The following NCALD variants were observed in gnomAD, a reference collection of about 807,000 sequenced individuals.
NCALD encodes the protein neurocalcin-delta.
In NCALD, 10 loss-of-function variants were observed where a neutral mutation model predicts 18.6. The ratio of observed to expected loss-of-function variants is 0.54; its 90% CI spans 0.33 to 0.91. The LOEUF (loss-of-function observed/expected upper bound fraction) is 0.91. Among genes scored for constraint, NCALD ranks in the 40% least tolerant of loss-of-function variants. The pLI, the probability that NCALD is intolerant of heterozygous loss-of-function variation, is 0.03. For missense variants in NCALD, 184 were observed against 247.6 expected, an observed-to-expected ratio of 0.74 and a Z score of 1.72; for synonymous variants, 88 against 87.4, an observed-to-expected ratio of 1.01 and a Z score of -0.04.
Position 101,699,971 on chromosome 8 carries a change from C to T in NCALD, c.379-7075G>A, listed in dbSNP as rs193283808. 3.3e-4 allele frequency among the ~76,000 whole-genome samples: 50 copies of T among 152,198 alleles called. 1 individual carries two copies. In the East Asian group the frequency reaches 9.3e-3, roughly 28 times the overall value. ...AAATTATTTAATAATTATGTATTGT[C>T]CACTATGAGCTAAGCAGTGGAGATA... On this transcript the variant is annotated intron_variant, in intron 2 of 3. Transcript: ENST00000220931.
At chr8:101,692,263 C>A (rs1814761960) in intron 3 of NCALD, 3 of 985,390 alleles carry the variant, frequency 3.0e-6, no homozygotes, top group Non-Finnish European at 3.6e-6. Flanking sequence ...GCACCTTACT[C>A]CCTCACCACT....
intron 3 of NCALD, among the ~76,000 whole-genome samples, chr8:101,903,669 C>T (rs1817515292): frequency 6.6e-6 from 1 of 152,170 alleles, no homozygotes; most frequent in African/African-American, 2.4e-5. Context: ...TCAGCCTTCC[C>T]AGGCTTCCTC....
At position 101,732,590 on chromosome 8, in the gene NCALD, C is replaced by CTTTTTTTTTTTTTTTT. The variant is rs576286368; in HGVS notation, c.-19-12958_-19-12943dup. Among the ~76,000 whole-genome samples, 3 of 53,676 alleles carry CTTTTTTTTTTTTTTTT rather than the reference C, an allele frequency of 5.6e-5. 1 individual carries two copies. The highest frequency in any genetic ancestry group is 6.7e-5 in the Non-Finnish European group (2 of 29,750). 35.2% of individuals were successfully genotyped at this position (53,676 alleles called of 152,430 possible). ...AATTCAGAGTATTTCTTTTTCTTTGCTTTTTTTTTTTTTTTTTTTTTTTTT... is the reference window on the plus strand; with the variant it reads ...AATTCAGAGTATTTCTTTTTCTTTGCTTTTTTTTTTTTTTTTTTTTTTTTTTTTTTTTTTTTTTTTT... On this transcript the variant is annotated intron_variant, in intron 1 of 3. Transcript: ENST00000220931.
At chr8:102,072,639 G>C (rs970465205) in intron 1 of NCALD, among the ~76,000 whole-genome samples, 2 of 152,006 alleles carry the variant, frequency 1.3e-5, no homozygotes, top group African/African-American at 4.8e-5. Context: ...ACATTTAATA[G>C]GCTTTATGCA....
intron 1 of NCALD, among the ~76,000 whole-genome samples, chr8:102,054,434 C>T (rs10088278): frequency 0.05 from 7,640 of 152,130 alleles, 373 homozygotes; most frequent in African/African-American, 0.12. Flanking sequence ...TGCACCTGTA[C>T]CCCCTAAATA....
intron 4 of NCALD, among the ~76,000 whole-genome samples, chr8:101,796,464 G>A (rs1812642753): frequency 6.6e-6 from 1 of 152,068 alleles, no homozygotes; most frequent in Admixed American, 6.6e-5. Flanking sequence ...TGGCAAACTG[G>A]AGAATCCTCA....
At chr8:101,894,012 AC>A (rs1817034873) in intron 3 of NCALD, among the ~76,000 whole-genome samples, 1 of 147,658 alleles carries the variant, frequency 6.8e-6, no homozygotes. Flanking sequence ...CACCAAGTGG[AC>A]CTAATAGACA....
At position 101,690,154 on chromosome 8, in the gene NCALD, C is replaced by T. The variant is rs974735927; in HGVS notation, c.485-748G>A. On this transcript the variant is annotated intron_variant, in intron 3 of 3. Transcript: ENST00000220931. ...TTTCCTTTCTGCTTACTCTGGAGCACGTACAGAATTCTCTTCCAGGAAGGC... is the reference window on the plus strand; with the variant it reads ...TTTCCTTTCTGCTTACTCTGGAGCATGTACAGAATTCTCTTCCAGGAAGGC... 5.3e-5 allele frequency: 44 copies of T among 831,628 alleles called. No homozygotes were observed. The South Asian group carries it at 2.0e-3, about 37-fold the overall frequency. 51.5% of individuals were successfully genotyped at this position (831,628 alleles called of 1,614,324 possible).
chr8:101,966,537 A>G (rs904476862), intron 2 of NCALD, among the ~76,000 whole-genome samples: 10 of 151,874 alleles, frequency 6.6e-5, no homozygotes, highest in African/African-American at 2.4e-4. Context: ...ATGCTAAATG[A>G]CGAGTTAATG....
chr8:101,977,793 C>G (rs746116453), intron 2 of NCALD, among the ~76,000 whole-genome samples: 1 of 152,200 alleles, frequency 6.6e-6, no homozygotes, highest in Non-Finnish European at 1.5e-5. Flanking sequence ...TTATGACACA[C>G]ACAGCGATCC....
At chr8:101,870,662 T>C (rs1815968544) in intron 4 of NCALD, among the ~76,000 whole-genome samples, 1 of 152,106 alleles carries the variant, frequency 6.6e-6, no homozygotes, top group Non-Finnish European at 1.5e-5. Flanking sequence ...TACACAAAGG[T>C]CTGACTTACT....
intron 1 of NCALD, among the ~76,000 whole-genome samples, chr8:102,028,401 T>G (rs1822538626): frequency 6.6e-6 from 1 of 152,236 alleles, no homozygotes; most frequent in African/African-American, 2.4e-5. Flanking sequence ...CAAGCCTCTT[T>G]CACATGTGAA....
intron 4 of NCALD, among the ~76,000 whole-genome samples, chr8:101,805,673 T>C (rs1813073686): frequency 6.6e-6 from 1 of 152,168 alleles, no homozygotes; most frequent in Non-Finnish European, 1.5e-5. Context: ...ACTTTATTTG[T>C]AATAGAGTGT....
intron 2 of NCALD, among the ~76,000 whole-genome samples, chr8:101,709,671 C>T (rs185928092): frequency 7.4e-4 from 112 of 152,294 alleles, no homozygotes; most frequent in African/African-American, 2.6e-3. Context: ...ATCAGTGATG[C>T]CACTTGCTTG....
chr8:101,842,168 TC>T (rs1262045551), intron 4 of NCALD, among the ~76,000 whole-genome samples: 2 of 152,162 alleles, frequency 1.3e-5, no homozygotes, highest in Non-Finnish European at 2.9e-5. Flanking sequence ...AATTTCCTCT[TC>T]TTTTAAGGAT....
intron 2 of NCALD, among the ~76,000 whole-genome samples, chr8:101,982,956 TC>T (rs1247401194): frequency 6.6e-6 from 1 of 152,126 alleles, no homozygotes; most frequent in Non-Finnish European, 1.5e-5. Flanking sequence ...GCTCTTCCCT[TC>T]CATCTTGGGC....
intron 1 of NCALD, among the ~76,000 whole-genome samples, chr8:101,726,919 C>T (rs775489406): frequency 5.3e-5 from 8 of 152,244 alleles, no homozygotes; most frequent in Admixed American, 3.3e-4. Flanking sequence ...AGCCTTTGAT[C>T]ACATGGCATT....
chr8:101,906,616 C>T (rs1179341658), intron 3 of NCALD, among the ~76,000 whole-genome samples: 5 of 152,332 alleles, frequency 3.3e-5, no homozygotes, highest in African/African-American at 9.6e-5. Flanking sequence ...CTTTGTGTTC[C>T]TTCCAAACTA....
At chr8:101,953,034 C>T (rs1819492430) in intron 2 of NCALD, among the ~76,000 whole-genome samples, 1 of 152,048 alleles carries the variant, frequency 6.6e-6, no homozygotes, top group South Asian at 2.1e-4. Flanking sequence ...CATCCTAGAT[C>T]TCTGCTAACA....
Sources: allele counts gnomAD v4.1 joint callset (sites outside exome capture counted in the v4.1 genomes callset), GRCh38; gene constraint gnomAD v4.1.1; transcripts MANE v1.5; gene names NCBI Gene and HGNC (gene_info 2026-07-23, HGNC 2026-07-21).